Variants in TMEM244 observed in about 807,000 individuals in gnomAD.
TMEM244 encodes the protein putative transmembrane protein 244.
A neutral mutation model predicts 15.8 loss-of-function variants in TMEM244; 13 were observed. The ratio of observed to expected loss-of-function variants is 0.82; its 90% CI spans 0.53 to 1.30. The LOEUF (loss-of-function observed/expected upper bound fraction) is 1.30, where lower values mean the gene tolerates loss of function less well. Among genes scored for constraint, TMEM244 ranks in the 50% most tolerant of loss-of-function variants. The pLI is 0.00. For synonymous variants in TMEM244, 45 were observed against 48.7 expected, an observed-to-expected ratio of 0.92 and a Z score of 0.32; for missense variants, 161 against 144.9, an observed-to-expected ratio of 1.11 and a Z score of -0.57.
intron 3 of TMEM244, among the ~76,000 whole-genome samples, chr6:129,833,792 A>T (rs1467067023): frequency 1.4e-5 from 2 of 147,866 alleles, no homozygotes; most frequent in African/African-American, 5.1e-5. Flanking sequence ...ATAGAAAACC[A>T]CAATATATCA....
intron 1 of TMEM244, among the ~76,000 whole-genome samples, chr6:129,852,837 C>G (rs962467479): frequency 1.3e-5 from 2 of 152,072 alleles, no homozygotes; most frequent in Non-Finnish European, 2.9e-5. Flanking sequence ...CCATACGTGC[C>G]CCAAAACTTG....
chr6:129,851,364 G>A (rs1776635615), intron 1 of TMEM244, among the ~76,000 whole-genome samples: 1 of 152,096 alleles, frequency 6.6e-6, no homozygotes, highest in South Asian at 2.1e-4. Context: ...CACCTCCCAG[G>A]CTCAAGCAAT....
intron 2 of TMEM244, among the ~76,000 whole-genome samples, chr6:129,844,845 AT>A (rs573388530): frequency 1.3e-3 from 192 of 152,314 alleles, no homozygotes; most frequent in African/African-American, 4.2e-3. Flanking sequence ...TGGTATCATT[AT>A]TTTTTGATAG....
chr6:129,838,564 G>T (rs1224932623), intron 3 of TMEM244, among the ~76,000 whole-genome samples: 2 of 151,936 alleles, frequency 1.3e-5, no homozygotes, highest in Admixed American at 6.6e-5. Context: ...CTAGCAGAAG[G>T]CAAGAAATAA....
Position 129,843,554 on chromosome 6 carries a change from A to T in TMEM244, c.169T>A (p.Ser57Thr). 1.9e-6 allele frequency: 3 copies of T among 1,612,336 alleles called. No homozygotes were observed. Among genetic ancestry groups the T allele is most frequent in the Non-Finnish European group, 1.7e-6 (2 of 1,178,684 alleles). Reference sequence around the variant, plus strand: ...CCTTTATAGTTTATGTTGAGCCATGAGGGATTTGTTTTGAAATCAAATGGA... The same window carrying T: ...CCTTTATAGTTTATGTTGAGCCATGTGGGATTTGTTTTGAAATCAAATGGA... Reference protein sequence around the residue: ...LAPFDFKTNPSWLNINYKVLL... With the variant: ...LAPFDFKTNPTWLNINYKVLL... The change falls in exon 3 of 5, where the codon TCA (serine) becomes ACA (threonine). Residue 57 changes from serine (S) to threonine (T), a missense_variant. Physicochemically the swap from Ser to Thr is moderately conservative, Grantham distance 58 (BLOSUM62 1). Coordinates refer to ENST00000368143, the MANE Select transcript of TMEM244 (RefSeq NM_001010876.2).
At chr6:129,856,432 G>T (rs1161488633) in intron 1 of TMEM244, among the ~76,000 whole-genome samples, 2 of 152,082 alleles carry the variant, frequency 1.3e-5, no homozygotes, top group Non-Finnish European at 2.9e-5. Context: ...TTTGTTAAAA[G>T]GATAGAGCTT....
At chr6:129,835,329 T>C (rs1776388209) in intron 3 of TMEM244, among the ~76,000 whole-genome samples, 1 of 150,488 alleles carries the variant, frequency 6.6e-6, no homozygotes, top group Non-Finnish European at 1.5e-5. Context: ...GTGCAGGAGT[T>C]TGAAGTTACA....
chr6:129,848,395 T>C (rs1776590236), intron 1 of TMEM244, among the ~76,000 whole-genome samples: 1 of 151,984 alleles, frequency 6.6e-6, no homozygotes, highest in African/African-American at 2.4e-5. Flanking sequence ...AGTAAAAGGG[T>C]TTTAACATGT....
At chr6:129,857,704 C>A (rs1776734537) in intron 1 of TMEM244, among the ~76,000 whole-genome samples, 1 of 151,898 alleles carries the variant, frequency 6.6e-6, no homozygotes, top group Admixed American at 6.6e-5. Flanking sequence ...ACATTCTTGC[C>A]TTGTTCTTGG....
intron 1 of TMEM244, among the ~76,000 whole-genome samples, chr6:129,854,720 T>G (rs1046674607): frequency 6.6e-6 from 1 of 152,198 alleles, no homozygotes; most frequent in Non-Finnish European, 1.5e-5. Flanking sequence ...TGGTTCTGAT[T>G]ACAGCTGGTC....
At chr6:129,847,441 G>C (rs1776575650) in intron 1 of TMEM244, among the ~76,000 whole-genome samples, 1 of 152,190 alleles carries the variant, frequency 6.6e-6, no homozygotes, top group African/African-American at 2.4e-5. Flanking sequence ...TCCACAGCTA[G>C]AGGCAAGAGG....
At chr6:129,840,722 A>G (rs1418876758) in intron 3 of TMEM244, among the ~76,000 whole-genome samples, 2 of 152,198 alleles carry the variant, frequency 1.3e-5, no homozygotes, top group Non-Finnish European at 2.9e-5. Flanking sequence ...AACTTAAACA[A>G]ATTTATAAGA....
intron 3 of TMEM244, among the ~76,000 whole-genome samples, chr6:129,838,779 C>T (rs1473676182): frequency 2.0e-5 from 3 of 152,224 alleles, no homozygotes; most frequent in African/African-American, 2.4e-5. Flanking sequence ...TACAAACTAC[C>T]ATCAGAGAAT....
rs1776806261 is a variant in TMEM244 at position 129,861,260 on chromosome 6, A to G, written c.-72T>C. On this transcript the variant is annotated 5_prime_UTR_variant, in exon 1 of 5. Coordinates refer to ENST00000368143, the MANE Select transcript of TMEM244 (RefSeq NM_001010876.2). ...GCGATGACATCTGGAAGAAGACACAATTGTCACCGTGAGCTTTTCAATTAC... is the reference window on the plus strand; with the variant it reads ...GCGATGACATCTGGAAGAAGACACAGTTGTCACCGTGAGCTTTTCAATTAC... 2.6e-6 allele frequency: 4 copies of G among 1,551,752 alleles called. No homozygotes were observed. Among genetic ancestry groups the G allele is most frequent in the East Asian group, 2.3e-5 (1 of 44,230 alleles).
intron 3 of TMEM244, among the ~76,000 whole-genome samples, chr6:129,841,827 A>T (rs534679399): frequency 5.1e-4 from 78 of 152,284 alleles, no homozygotes; most frequent in African/African-American, 1.9e-3. Context: ...AAAATTATTG[A>T]AACCTACACA....
Position 129,855,737 on chromosome 6 carries a change from A to G in TMEM244, c.33+5419T>C, listed in dbSNP as rs77003920. On this transcript the variant is annotated intron_variant, in intron 1 of 4. Coordinates refer to ENST00000368143, the MANE Select transcript of TMEM244 (RefSeq NM_001010876.2). ...GGTAATATTGTGCATTTCCCATTGT[A>G]TCTTATGAGAAGATGCATAATATGA... Among the ~76,000 whole-genome samples, 973 of 152,326 alleles carry G rather than the reference A, an allele frequency of 6.4e-3. 8 individuals carry two copies. The highest frequency in any genetic ancestry group is 0.024 in the Middle Eastern group (7 of 294).
At chr6:129,836,603 C>T (rs1376074777) in intron 3 of TMEM244, among the ~76,000 whole-genome samples, 1 of 152,008 alleles carries the variant, frequency 6.6e-6, no homozygotes, top group Non-Finnish European at 1.5e-5. Flanking sequence ...CTTCAGAAAC[C>T]TACTTGGTAA....
intron 2 of TMEM244, among the ~76,000 whole-genome samples, chr6:129,845,366 C>G (rs939713070): frequency 3.9e-5 from 6 of 152,220 alleles, no homozygotes; most frequent in East Asian, 3.8e-4. Context: ...GGTTCGCTTT[C>G]TTTCCATGAG....
At chr6:129,844,605 C>T (rs145615029) in intron 2 of TMEM244, among the ~76,000 whole-genome samples, 53 of 152,296 alleles carry the variant, frequency 3.5e-4, no homozygotes, top group African/African-American at 1.3e-3. Flanking sequence ...CCTCCTGAAG[C>T]TTTAAGGTCT....
Sources: allele counts gnomAD v4.1 joint callset (sites outside exome capture counted in the v4.1 genomes callset), GRCh38; gene constraint gnomAD v4.1.1; transcripts MANE v1.5; gene names NCBI Gene and HGNC (gene_info 2026-07-23, HGNC 2026-07-21).